The following CHCT1 variants were observed in gnomAD, a reference collection of about 807,000 sequenced individuals.
The protein encoded by CHCT1 is CHD1 helical C-terminal domain containing 1.
the CHCT1 span, among the ~76,000 whole-genome samples, chr17:60,423,440 A>G: frequency 8.6e-5 from 13 of 151,630 alleles, no homozygotes; most frequent in African/African-American, 2.9e-4. Context: ...TGATCCACCC[A>G]TCTCGGCCTC....
the CHCT1 span, chr17:60,422,636 T>C: frequency 6.5e-7 from 1 of 1,549,440 alleles, no homozygotes; most frequent in East Asian, 2.5e-5. Flanking sequence ...GACAAGCCAC[T>C]AGAGCAGGTG....
chr17:60,425,705 T>A, the CHCT1 span: 5 of 1,095,474 alleles, frequency 4.6e-6, no homozygotes, highest in Non-Finnish European at 6.8e-6. Context: ...TGGCTGCCAT[T>A]TGGGTCAGTC....
chr17:60,423,260 T>A, the CHCT1 span, among the ~76,000 whole-genome samples: 15 of 151,776 alleles, frequency 9.9e-5, no homozygotes, highest in African/African-American at 3.4e-4. Flanking sequence ...GGCATGATCT[T>A]GGCCCACTGC....
At chr17:60,423,624 T>C in the CHCT1 span, among the ~76,000 whole-genome samples, 1 of 151,728 alleles carries the variant, frequency 6.6e-6, no homozygotes, top group Non-Finnish European at 1.5e-5. Flanking sequence ...CCACCACACT[T>C]AGCTGATTTT....
the CHCT1 span, among the ~76,000 whole-genome samples, chr17:60,430,117 C>A: frequency 3.0e-5 from 4 of 134,610 alleles, no homozygotes; most frequent in Admixed American, 3.3e-4. Flanking sequence ...GAGCCACGCA[C>A]CTGGCTTTTT....
chr17:60,425,296 C>G, the CHCT1 span, among the ~76,000 whole-genome samples: 1 of 152,290 alleles, frequency 6.6e-6, no homozygotes, highest in East Asian at 1.9e-4. Context: ...ATCCTCCCAC[C>G]TTGGCTTCCT....
chr17:60,421,830 G>A, the CHCT1 span: 72 of 984,008 alleles, frequency 7.3e-5, no homozygotes, highest in Non-Finnish European at 8.6e-5. Context: ...CCGACACCCG[G>A]CTCCCCGCCT....
chr17:60,422,342 C>G, the CHCT1 span: 4 of 911,888 alleles, frequency 4.4e-6, no homozygotes, highest in African/African-American at 1.7e-5. Flanking sequence ...CTTCGCTCGA[C>G]CCCGCACATC....
chr17:60,421,677 G>C, the CHCT1 span: 1 of 867,458 alleles, frequency 1.2e-6, no homozygotes. Flanking sequence ...CCAGGGGCGA[G>C]GGTCCCGGGG....
chr17:60,421,429 G>A, the CHCT1 span: 1 of 985,648 alleles, frequency 1.0e-6, no homozygotes, highest in Non-Finnish European at 1.2e-6. Context: ...GGCAGGGGAG[G>A]CCCGGGCCGA....
At chr17:60,425,563 A>T in the CHCT1 span, among the ~76,000 whole-genome samples, 34 of 152,192 alleles carry the variant, frequency 2.2e-4, no homozygotes, top group Non-Finnish European at 4.6e-4. Flanking sequence ...ATATGCTGTG[A>T]TTATTATAAA....
chr17:60,427,402 A>C, the CHCT1 span, among the ~76,000 whole-genome samples: 2 of 150,278 alleles, frequency 1.3e-5, no homozygotes, highest in Non-Finnish European at 3.0e-5. Flanking sequence ...AGGTGCTTTC[A>C]CCCCTTCCCT....
chr17:60,426,083 G>C, the CHCT1 span: 10 of 1,455,866 alleles, frequency 6.9e-6, no homozygotes, highest in Middle Eastern at 1.8e-4. Context: ...GGCCAGACCG[G>C]TGTGCTGGAT....
chr17:60,422,641 C>G, the CHCT1 span: 1 of 1,548,686 alleles, frequency 6.5e-7, no homozygotes. Flanking sequence ...GCCACTAGAG[C>G]AGGTGAAGTG....
chr17:60,422,845 C>G, the CHCT1 span, among the ~76,000 whole-genome samples: 1 of 152,052 alleles, frequency 6.6e-6, no homozygotes, highest in Admixed American at 6.5e-5. Context: ...GGGAAGAGGT[C>G]GCCTCTCATT....
At chr17:60,430,431 C>T in the CHCT1 span, among the ~76,000 whole-genome samples, 1 of 151,930 alleles carries the variant, frequency 6.6e-6, no homozygotes, top group Admixed American at 6.6e-5. Context: ...ATGAAAATAA[C>T]CTATGTGGTA....
the CHCT1 span, among the ~76,000 whole-genome samples, chr17:60,430,413 T>A: frequency 6.6e-6 from 1 of 152,250 alleles, no homozygotes; most frequent in African/African-American, 2.4e-5. Context: ...ACTGAGTCTG[T>A]CCTTGCAATG....
At chr17:60,422,705 A>G in the CHCT1 span, 2 of 1,465,574 alleles carry the variant, frequency 1.4e-6, no homozygotes, top group Admixed American at 2.5e-5. Flanking sequence ...TTTGGAAAGT[A>G]GAGAACATGA....
At chr17:60,423,734 G>T in the CHCT1 span, among the ~76,000 whole-genome samples, 1 of 152,186 alleles carries the variant, frequency 6.6e-6, no homozygotes, top group East Asian at 1.9e-4. Flanking sequence ...CTAAAATGTT[G>T]GGATTACAGG....
Sources: gnomAD v4.1 joint callset for allele counts (sites outside exome capture counted in the v4.1 genomes callset) on GRCh38, gnomAD v4.1.1 for gene constraint, MANE v1.5 for transcripts, NCBI Gene and HGNC (gene_info 2026-07-23, HGNC 2026-07-21) for gene names.